PTPRD: variants seen among roughly 807,000 people sequenced by gnomAD.
PTPRD encodes receptor-type tyrosine-protein phosphatase delta.
PTPRD carries 34 observed loss-of-function variants against 214.5 expected under a neutral mutation model. The ratio of observed to expected loss-of-function variants is 0.16; its 90% CI spans 0.12 to 0.21. The LOEUF (loss-of-function observed/expected upper bound fraction) is 0.21, where lower values mean the gene tolerates loss of function less well. PTPRD is among the 10% of genes least tolerant of loss of function. The pLI, the probability that PTPRD is intolerant of heterozygous loss-of-function variation, is 1.00. For synonymous variants in PTPRD, 1,128 were observed against 845.7 expected (o/e 1.33, Z -5.79); for missense variants, 2,545 against 2,398.7 (o/e 1.06, Z -1.27).
intron 3 of PTPRD, among the ~76,000 whole-genome samples, chr9:10,302,684 T>C (rs1237418335): frequency 6.6e-6 from 1 of 152,142 alleles, no homozygotes; most frequent in East Asian, 1.9e-4. Context: ...TACATAATGG[T>C]AAAGGGATCA....
At chr9:9,415,083 G>A (rs1242264392) in intron 8 of PTPRD, among the ~76,000 whole-genome samples, 1 of 152,130 alleles carries the variant, frequency 6.6e-6, no homozygotes, top group Non-Finnish European at 1.5e-5. Context: ...TAAGTATTGT[G>A]TAATTATGTA....
At chr9:9,924,611 G>C (rs757700749) in intron 5 of PTPRD, among the ~76,000 whole-genome samples, 51 of 152,038 alleles carry the variant, frequency 3.4e-4, no homozygotes, top group Non-Finnish European at 5.3e-4. Context: ...TCCTTGTTTA[G>C]AAACTTTTTA....
intron 5 of PTPRD, among the ~76,000 whole-genome samples, chr9:9,796,236 G>T (rs1295428945): frequency 1.3e-5 from 2 of 152,110 alleles, no homozygotes; most frequent in Non-Finnish European, 2.9e-5. Flanking sequence ...GGATATCTGA[G>T]AAACGTTTTG....
At chr9:9,784,510 T>G (rs891850358) in intron 5 of PTPRD, among the ~76,000 whole-genome samples, 5 of 152,058 alleles carry the variant, frequency 3.3e-5, no homozygotes, top group African/African-American at 1.2e-4. Flanking sequence ...TTTTCCTGTT[T>G]CACAAATTTC....
intron 14 of PTPRD, among the ~76,000 whole-genome samples, chr9:8,621,730 G>A (rs1404214083): frequency 6.6e-6 from 1 of 151,790 alleles, no homozygotes; most frequent in East Asian, 1.9e-4. Flanking sequence ...TGTAGCACTT[G>A]ATGTCAGTTT....
At chr9:8,720,909 C>T (rs1251038395) in intron 12 of PTPRD, among the ~76,000 whole-genome samples, 2 of 152,092 alleles carry the variant, frequency 1.3e-5, no homozygotes, top group African/African-American at 2.4e-5. Flanking sequence ...GCATTTTGAG[C>T]TCTCTTGCCT....
At chr9:8,745,772 ATTT>A (rs1482873584) in intron 11 of PTPRD, among the ~76,000 whole-genome samples, 2 of 143,470 alleles carry the variant, frequency 1.4e-5, no homozygotes. Flanking sequence ...ATCAAGTTCT[ATTT>A]TATGGAGTTT....
At chr9:9,690,143 T>C (rs1185641611) in intron 7 of PTPRD, among the ~76,000 whole-genome samples, 1 of 151,912 alleles carries the variant, frequency 6.6e-6, no homozygotes, top group Non-Finnish European at 1.5e-5. Flanking sequence ...CTACATTCTC[T>C]CCAGCATTCG....
intron 3 of PTPRD, among the ~76,000 whole-genome samples, chr9:10,065,336 C>T (rs1408183324): frequency 6.6e-6 from 1 of 151,854 alleles, no homozygotes; most frequent in African/African-American, 2.4e-5. Context: ...TGTTATTAGC[C>T]ACCAGCCCCA....
chr9:10,167,310 T>G (rs1026739704), intron 3 of PTPRD, among the ~76,000 whole-genome samples: 1 of 152,052 alleles, frequency 6.6e-6, no homozygotes, highest in Non-Finnish European at 1.5e-5. Context: ...TGGAGATTTT[T>G]GGGCTCATGC....
chr9:10,123,352 T>C (rs2098791708), intron 3 of PTPRD, among the ~76,000 whole-genome samples: 1 of 152,200 alleles, frequency 6.6e-6, no homozygotes, highest in Admixed American at 6.5e-5. Context: ...ACATTTAAGA[T>C]TTTCTAGACT....
chr9:9,636,616 C>T (rs1029835334), intron 7 of PTPRD, among the ~76,000 whole-genome samples: 1 of 152,114 alleles, frequency 6.6e-6, no homozygotes, highest in African/African-American at 2.4e-5. Flanking sequence ...CTTCTTTTTC[C>T]TCTGGATATT....
intron 11 of PTPRD, among the ~76,000 whole-genome samples, chr9:8,904,050 C>G (rs902659553): frequency 1.3e-5 from 2 of 152,054 alleles, no homozygotes; most frequent in Non-Finnish European, 2.9e-5. Context: ...TTCAAATTTA[C>G]AAAAAAGTTG....
chr9:10,083,029 T>C (rs2098269455), intron 3 of PTPRD, among the ~76,000 whole-genome samples: 1 of 152,082 alleles, frequency 6.6e-6, no homozygotes, highest in Non-Finnish European at 1.5e-5. Context: ...AATTTTCTTA[T>C]TTGATTTTTT....
At chr9:8,540,613 T>C (rs760329122) in intron 14 of PTPRD, among the ~76,000 whole-genome samples, 22 of 152,304 alleles carry the variant, frequency 1.4e-4, no homozygotes, top group Admixed American at 1.3e-3. Flanking sequence ...GGATCTTCCT[T>C]CCAATTAAAA....
chr9:9,735,237 A>C (rs1251492979), intron 6 of PTPRD, among the ~76,000 whole-genome samples: 3 of 152,252 alleles, frequency 2.0e-5, no homozygotes, highest in Admixed American at 6.5e-5. Flanking sequence ...TTGTGTAAAG[A>C]AAATGGCAAA....
intron 8 of PTPRD, among the ~76,000 whole-genome samples, chr9:9,416,279 T>G (rs1385363138): frequency 6.6e-6 from 1 of 152,110 alleles, no homozygotes; most frequent in Non-Finnish European, 1.5e-5. Flanking sequence ...CGTCTCATGG[T>G]TGGGTTTGAA....
rs573919865 is a variant in PTPRD at position 9,406,521 on chromosome 9, A to G, written c.-236-9039T>C. 4.6e-5 allele frequency among the ~76,000 whole-genome samples: 7 copies of G among 152,066 alleles called. No homozygotes were observed. In the South Asian group the frequency reaches 1.0e-3, roughly 23 times the overall value. On this transcript the variant is annotated intron_variant, in intron 8 of 45. Transcript: ENST00000381196. ...GAAATCAAGACATCTCACATTTACG[A>G]TATTTACTCATTTATCCACTGTAGA...
Position 8,518,437 on chromosome 9 carries a change from G to C in PTPRD, c.962-8C>G. 1 of 1,566,590 alleles carries C rather than the reference G, an allele frequency of 6.4e-7. No homozygotes were observed. The highest frequency in any genetic ancestry group is 8.6e-7 in the Non-Finnish European group (1 of 1,158,524). On this transcript the variant is annotated splice_region_variant and splice_polypyrimidine_tract_variant and intron_variant, in intron 20 of 45. Coordinates refer to ENST00000381196, the MANE Select transcript of PTPRD (RefSeq NM_002839.4). The stretch of plus-strand genomic sequence containing the variant: ...CTGGAGGTTTGGGTAAGGCTTGGAT[G>C]GGGGAAGATAAAAGACAATGACTAC...
Sources: allele counts gnomAD v4.1 joint callset (sites outside exome capture counted in the v4.1 genomes callset), GRCh38; gene constraint gnomAD v4.1.1; transcripts MANE v1.5; gene names NCBI Gene and HGNC (gene_info 2026-07-23, HGNC 2026-07-21).